The following EEIG2 variants were observed in gnomAD, a reference collection of about 807,000 sequenced individuals.
EEIG2 encodes the protein family with sequence similarity 102 member B.
the EEIG2 span, chr1:108,636,864 G>A: frequency 1.3e-5 from 2 of 151,962 alleles, no homozygotes; most frequent in African/African-American, 4.8e-5. Flanking sequence ...GAGATATGAA[G>A]ATATTATTTA....
chr1:108,561,523 T>C, the EEIG2 span, among the ~76,000 whole-genome samples: 1 of 152,204 alleles, frequency 6.6e-6, no homozygotes, highest in African/African-American at 2.4e-5. Flanking sequence ...AATTCCGTCA[T>C]CCCATTTATA....
chr1:108,586,862 T>C, the EEIG2 span, among the ~76,000 whole-genome samples: 30 of 152,302 alleles, frequency 2.0e-4, no homozygotes, highest in African/African-American at 7.2e-4. Flanking sequence ...CTTTTTAGAA[T>C]ATTTAGAAAG....
the EEIG2 span, among the ~76,000 whole-genome samples, chr1:108,576,125 G>C: frequency 1.3e-5 from 2 of 152,082 alleles, no homozygotes; most frequent in African/African-American, 4.8e-5. Context: ...GGGACCACAG[G>C]CACACACCAC....
chr1:108,577,037 C>T, the EEIG2 span, among the ~76,000 whole-genome samples: 66 of 147,230 alleles, frequency 4.5e-4, no homozygotes, highest in Admixed American at 8.8e-4. Context: ...TTGCATTTCT[C>T]TGATGGCCAG....
chr1:108,616,760 A>G, the EEIG2 span, among the ~76,000 whole-genome samples: 1 of 152,222 alleles, frequency 6.6e-6, no homozygotes, highest in Admixed American at 6.5e-5. Flanking sequence ...GTGTTAGGCC[A>G]TATTCTAGAT....
chr1:108,572,485 C>T, the EEIG2 span, among the ~76,000 whole-genome samples: 6 of 151,794 alleles, frequency 4.0e-5, no homozygotes, highest in Non-Finnish European at 7.4e-5. Context: ...TCTAGGGGGT[C>T]GGCAAGTATC....
At chr1:108,624,502 T>C in the EEIG2 span, 4 of 562,582 alleles carry the variant, frequency 7.1e-6, no homozygotes, top group Admixed American at 1.1e-4. Context: ...TTATACGTTA[T>C]TTGCTGATCT....
the EEIG2 span, among the ~76,000 whole-genome samples, chr1:108,590,216 T>C: frequency 1.3e-5 from 2 of 152,292 alleles, no homozygotes; most frequent in African/African-American, 4.8e-5. Context: ...CTCTGATGTA[T>C]GAGATGTTCA....
the EEIG2 span, chr1:108,616,461 C>T: frequency 2.3e-5 from 31 of 1,355,778 alleles, no homozygotes; most frequent in African/African-American, 3.9e-4. Flanking sequence ...GATTATGTAT[C>T]TAAAAGTATA....
the EEIG2 span, among the ~76,000 whole-genome samples, chr1:108,579,772 T>TGTGTGTGTGTGTGTGAGAGAGA: frequency 6.8e-5 from 4 of 58,822 alleles, no homozygotes; most frequent in African/African-American, 2.6e-4. Flanking sequence ...TGTGTGTGTG[T>TGTGTGTGTGTGTGTGAGAGAGA]GAGAGAGAGA....
the EEIG2 span, among the ~76,000 whole-genome samples, chr1:108,579,312 T>G: frequency 1.5e-5 from 1 of 67,010 alleles, no homozygotes; most frequent in Non-Finnish European, 3.3e-5. Flanking sequence ...AAAACAGACT[T>G]TAAACCAACA....
chr1:108,568,902 A>G, the EEIG2 span, among the ~76,000 whole-genome samples: 1 of 152,178 alleles, frequency 6.6e-6, no homozygotes, highest in South Asian at 2.1e-4. Context: ...AGGTTGAGAA[A>G]TTTAGTTTTT....
chr1:108,609,880 G>A, the EEIG2 span, among the ~76,000 whole-genome samples: 1 of 151,870 alleles, frequency 6.6e-6, no homozygotes, highest in African/African-American at 2.4e-5. Flanking sequence ...ACAGGGAGGG[G>A]ATCAGCACAC....
At chr1:108,584,332 AT>A in the EEIG2 span, among the ~76,000 whole-genome samples, 3,726 of 151,702 alleles carry the variant, frequency 0.025, 145 homozygotes, top group African/African-American at 0.085. Flanking sequence ...CTTAAAAAAT[AT>A]TTTTTTTTCT....
At chr1:108,623,451 C>T in the EEIG2 span, among the ~76,000 whole-genome samples, 1 of 151,780 alleles carries the variant, frequency 6.6e-6, no homozygotes, top group Admixed American at 6.6e-5. Context: ...GCCATGATTG[C>T]GCCACCGCAC....
the EEIG2 span, chr1:108,600,796 G>A: frequency 2.7e-6 from 3 of 1,100,650 alleles, no homozygotes; most frequent in Non-Finnish European, 3.8e-6. Context: ...AACTGTATAT[G>A]CAGTTTCACT....
At chr1:108,635,025 A>G in the EEIG2 span, 1 of 1,360,964 alleles carries the variant, frequency 7.3e-7, no homozygotes, top group Admixed American at 1.8e-5. Flanking sequence ...CCAGTGCCCC[A>G]TCTCTCCAGG....
chr1:108,588,586 G>C, the EEIG2 span, among the ~76,000 whole-genome samples: 14 of 152,074 alleles, frequency 9.2e-5, no homozygotes, highest in African/African-American at 3.4e-4. Context: ...ATACAATGTG[G>C]GATAAACTAG....
the EEIG2 span, among the ~76,000 whole-genome samples, chr1:108,615,869 C>G: frequency 6.6e-6 from 1 of 151,938 alleles, no homozygotes; most frequent in South Asian, 2.1e-4. Flanking sequence ...AAGCCACCAG[C>G]TGGCATCCCT....
Sources: gnomAD v4.1 joint callset for allele counts (sites outside exome capture counted in the v4.1 genomes callset) on GRCh38, gnomAD v4.1.1 for gene constraint, MANE v1.5 for transcripts, NCBI Gene and HGNC (gene_info 2026-07-23, HGNC 2026-07-21) for gene names.